SV2C: variants seen among roughly 807,000 people sequenced by gnomAD.
The protein encoded by SV2C is synaptic vesicle glycoprotein 2C, also known as solute carrier family 22 member B3.
Under a neutral mutation model 79.7 loss-of-function variants are expected in SV2C, and 49 were observed. That is an observed-to-expected ratio of 0.61 (90% confidence interval 0.49 to 0.78). The LOEUF (loss-of-function observed/expected upper bound fraction) is 0.78, where lower values mean the gene tolerates loss of function less well. Among genes scored for constraint, SV2C ranks in the 30% least tolerant of loss-of-function variants. The pLI, the probability that SV2C is intolerant of heterozygous loss-of-function variation, is 0.00. For synonymous variants in SV2C, 334 were observed against 333.2 expected, an observed-to-expected ratio of 1.00 and a Z score of -0.03; for missense variants, 833 against 912.9, an observed-to-expected ratio of 0.91 and a Z score of 1.13.
chr5:75,926,398 G>A, the SV2C span, among the ~76,000 whole-genome samples: 1 of 152,188 alleles, frequency 6.6e-6, no homozygotes, highest in Non-Finnish European at 1.5e-5. Flanking sequence ...AAGAACTAAT[G>A]AGCTTTGCTA....
intron 4 of SV2C, among the ~76,000 whole-genome samples, chr5:76,260,790 C>T (rs1462477509): frequency 6.6e-6 from 1 of 152,092 alleles, no homozygotes; most frequent in African/African-American, 2.4e-5. Context: ...CTGTCCTGTT[C>T]CATTGGTTTA....
At chr5:75,998,255 T>C in the SV2C span, among the ~76,000 whole-genome samples, 1 of 152,068 alleles carries the variant, frequency 6.6e-6, no homozygotes, top group Non-Finnish European at 1.5e-5. Flanking sequence ...GACGAGTTAA[T>C]GGGTGTAGCA....
chr5:76,309,338 C>T (rs1748323232), intron 12 of SV2C, among the ~76,000 whole-genome samples: 1 of 152,042 alleles, frequency 6.6e-6, no homozygotes, highest in South Asian at 2.1e-4. Context: ...CGGTGGCTCA[C>T]GTCTGTAATC....
intron 2 of SV2C, among the ~76,000 whole-genome samples, chr5:76,151,404 A>C (rs1012744210): frequency 2.2e-4 from 33 of 152,204 alleles, no homozygotes; most frequent in Admixed American, 2.0e-3. Flanking sequence ...ACGTGTGAGC[A>C]GCAGAAGAGT....
chr5:76,153,864 C>T (rs775001288), intron 2 of SV2C, among the ~76,000 whole-genome samples: 8 of 152,148 alleles, frequency 5.3e-5, no homozygotes, highest in Non-Finnish European at 1.0e-4. Flanking sequence ...AGGAATTTAC[C>T]ACTCTGGAAC....
At chr5:76,252,535 A>G (rs572586304) in intron 4 of SV2C, among the ~76,000 whole-genome samples, 99 of 152,364 alleles carry the variant, frequency 6.5e-4, no homozygotes, top group African/African-American at 1.7e-3. Flanking sequence ...AAAGAAAGAT[A>G]TAATTTTCAC....
intron 4 of SV2C, among the ~76,000 whole-genome samples, chr5:76,215,144 T>C (rs1744879048): frequency 6.6e-6 from 1 of 152,208 alleles, no homozygotes; most frequent in Non-Finnish European, 1.5e-5. Flanking sequence ...TTGTCATTGA[T>C]GGCCTTGATT....
the SV2C span, among the ~76,000 whole-genome samples, chr5:76,051,336 C>T: frequency 6.6e-6 from 1 of 151,558 alleles, no homozygotes; most frequent in Non-Finnish European, 1.5e-5. Context: ...AGATGAGAGA[C>T]TAAATTAGTA....
At chr5:76,159,602 T>C (rs1742839344) in intron 2 of SV2C, among the ~76,000 whole-genome samples, 2 of 152,148 alleles carry the variant, frequency 1.3e-5, no homozygotes, top group Non-Finnish European at 2.9e-5. Context: ...GTCTGGTATT[T>C]GTTGGCTTTT....
At chr5:76,247,292 G>A (rs1423113659) in intron 4 of SV2C, among the ~76,000 whole-genome samples, 2 of 149,832 alleles carry the variant, frequency 1.3e-5, no homozygotes, top group East Asian at 1.9e-4. Context: ...GCAACAGATG[G>A]GATGCTAAAC....
chr5:76,173,575 G>T lies in SV2C; in HGVS notation c.581-21344G>T, dbSNP rs1580328500. 4.5e-6 allele frequency: 7 copies of T among 1,547,538 alleles called. No individual in the cohort carries two copies. In the East Asian group the frequency reaches 1.1e-4, roughly 25 times the overall value. ...ACAAAGTTGGAATGCTGGCACTGTT[G>T]AATTGGGCAACAGTTCTTCAGACCT... On this transcript the variant is annotated intron_variant, in intron 2 of 12. Coordinates refer to ENST00000502798, the MANE Select transcript of SV2C (RefSeq NM_014979.4).
At chr5:76,129,401 C>T (rs1287651916) in intron 1 of SV2C, among the ~76,000 whole-genome samples, 4 of 150,588 alleles carry the variant, frequency 2.7e-5, no homozygotes, top group Non-Finnish European at 2.9e-5. Context: ...AAAAAGAGAA[C>T]TTATATGTGC....
chr5:76,144,070 C>T (rs35357454), intron 2 of SV2C, among the ~76,000 whole-genome samples: 1 of 151,876 alleles, frequency 6.6e-6, no homozygotes, highest in Non-Finnish European at 1.5e-5. Context: ...CTCAGTTGGT[C>T]GTGGTGGTTA....
At chr5:75,875,461 C>A in the SV2C span, among the ~76,000 whole-genome samples, 2 of 151,992 alleles carry the variant, frequency 1.3e-5, no homozygotes, top group African/African-American at 4.8e-5. Flanking sequence ...AATGTAAAAC[C>A]CAAAAGTATA....
chr5:76,255,204 A>C (rs1190307608), intron 4 of SV2C, among the ~76,000 whole-genome samples: 1 of 152,218 alleles, frequency 6.6e-6, no homozygotes, highest in Admixed American at 6.5e-5. Flanking sequence ...TTGCAGATAA[A>C]TTTATTTTCC....
At chr5:76,302,768 A>G (rs1428390644) in intron 12 of SV2C, among the ~76,000 whole-genome samples, 1 of 151,948 alleles carries the variant, frequency 6.6e-6, no homozygotes, top group African/African-American at 2.4e-5. Flanking sequence ...CTGCTTTACC[A>G]TTTGATATGA....
chr5:76,206,301 CT>C (rs1331655937), intron 3 of SV2C, among the ~76,000 whole-genome samples: 2 of 152,270 alleles, frequency 1.3e-5, no homozygotes, highest in East Asian at 3.9e-4. Context: ...CATCTGCAAC[CT>C]TTTTCTGAAA....
intron 2 of SV2C, chr5:76,173,684 C>G: frequency 6.2e-7 from 1 of 1,613,854 alleles, no homozygotes; most frequent in Middle Eastern, 1.7e-4. Context: ...TGGAGTTTTT[C>G]TGTTAATTTG....
chr5:76,136,866 A>C (rs892625735), intron 2 of SV2C, among the ~76,000 whole-genome samples: 2 of 152,224 alleles, frequency 1.3e-5, no homozygotes, highest in African/African-American at 2.4e-5. Flanking sequence ...TGGTAGGCGT[A>C]GTAGTGTTGG....
Sources: gnomAD v4.1 joint callset for allele counts (sites outside exome capture counted in the v4.1 genomes callset) on GRCh38, gnomAD v4.1.1 for gene constraint, MANE v1.5 for transcripts, NCBI Gene and HGNC (gene_info 2026-07-23, HGNC 2026-07-21) for gene names.